The following IFT74 variants were observed in gnomAD, a reference collection of about 807,000 sequenced individuals.
IFT74 encodes intraflagellar transport 74, also known as intraflagellar transport protein 74 homolog.
IFT74 carries 92 observed loss-of-function variants against 96.7 expected under a neutral mutation model. The observed-to-expected ratio is 0.95, with a 90% confidence interval of 0.80 to 1.13. IFT74 has a LOEUF of 1.13. Ranked by LOEUF, IFT74 falls within the 50% of genes most tolerant of loss-of-function variation. The pLI is 0.00. For missense variants in IFT74, 811 were observed against 698.2 expected, an observed-to-expected ratio of 1.16 and a Z score of -1.82; for synonymous variants, 223 against 213.2, an observed-to-expected ratio of 1.05 and a Z score of -0.40.
Position 26,984,566 on chromosome 9 carries a change from T to C in IFT74, c.465+7T>C. 1 of 1,598,314 alleles carries C rather than the reference T, an allele frequency of 6.3e-7. No individual in the cohort carries two copies. Among genetic ancestry groups the C allele is most frequent in the Non-Finnish European group, 8.6e-7 (1 of 1,168,126 alleles). ...ACTAGCAGACTACAACATGGTATTTTATCTTTTCTAAGAGAATTTACTGTT... is the reference window on the plus strand; with the variant it reads ...ACTAGCAGACTACAACATGGTATTTCATCTTTTCTAAGAGAATTTACTGTT... On this transcript the variant is annotated splice_region_variant and intron_variant, in intron 6 of 19. Transcript: ENST00000380062.
intron 9 of IFT74, among the ~76,000 whole-genome samples, chr9:27,010,933 G>T (rs984688469): frequency 1.3e-5 from 2 of 152,094 alleles, no homozygotes; most frequent in Non-Finnish European, 2.9e-5. Context: ...AAAGAATTAG[G>T]CCCCATAAAT....
chr9:26,963,722 T>C (rs1216786785), intron 2 of IFT74, among the ~76,000 whole-genome samples: 1 of 152,214 alleles, frequency 6.6e-6, no homozygotes, highest in African/African-American at 2.4e-5. Flanking sequence ...ATGATGAGCA[T>C]TGTTTCATGT....
In IFT74 at chr9:26,956,910, G is replaced by A. The variant is rs188882631; in HGVS notation, c.-20+394G>A. 1.9e-3 allele frequency among the ~76,000 whole-genome samples: 283 copies of A among 152,372 alleles called. 1 individual carries two copies. The highest frequency in any genetic ancestry group is 6.7e-3 in the African/African-American group (277 of 41,584). On this transcript the variant is annotated intron_variant, in intron 1 of 19. Transcript: ENST00000380062. ...CCTGTGTGAGAATGGTTGGCTTAGG[G>A]AGGATAACGATAGTAATAATAATTA...
At chr9:26,989,932 C>T (rs1827793888) in intron 7 of IFT74, among the ~76,000 whole-genome samples, 1 of 152,074 alleles carries the variant, frequency 6.6e-6, no homozygotes, top group South Asian at 2.1e-4. Flanking sequence ...TATAAGATTA[C>T]AATGCTTCTT....
intron 1 of IFT74, among the ~76,000 whole-genome samples, chr9:26,957,000 C>A (rs965411268): frequency 2.0e-5 from 3 of 152,188 alleles, no homozygotes; most frequent in Non-Finnish European, 4.4e-5. Context: ...AGATGTCACC[C>A]TTCTGTTTTA....
At position 26,964,739 on chromosome 9, in the gene IFT74, C is replaced by T. The variant is rs113587564; in HGVS notation, c.120+2652C>T. Among the ~76,000 whole-genome samples, 1,216 of 152,208 alleles carry T rather than the reference C, an allele frequency of 8.0e-3. 16 individuals carry two copies. Among genetic ancestry groups the T allele is most frequent in the African/African-American group, 0.028 (1,160 of 41,524 alleles). On this transcript the variant is annotated intron_variant, in intron 2 of 19. Coordinates refer to ENST00000380062, the MANE Select transcript of IFT74 (RefSeq NM_025103.4). Reference sequence around the variant, plus strand: ...GTAATATTATAAAACTATTCTAAAACTCATCTAGAACAATACCACAAAAAT... The same window carrying T: ...GTAATATTATAAAACTATTCTAAAATTCATCTAGAACAATACCACAAAAAT...
intron 2 of IFT74, among the ~76,000 whole-genome samples, chr9:26,971,266 C>G (rs992014569): frequency 2.0e-5 from 3 of 152,106 alleles, no homozygotes; most frequent in Non-Finnish European, 4.4e-5. Flanking sequence ...GATCTCTTCC[C>G]CTGAGGAGTG....
intron 8 of IFT74, chr9:26,995,906 A>T (rs1304643141): frequency 1.6e-5 from 20 of 1,213,232 alleles, no homozygotes; most frequent in Non-Finnish European, 2.0e-5. Context: ...TTGGCAAAAT[A>T]ATCATAATTA....
Position 26,992,047 on chromosome 9 carries a change from A to C in IFT74, c.587+1852A>C, listed in dbSNP as rs561261425. On this transcript the variant is annotated intron_variant, in intron 8 of 19. Coordinates refer to ENST00000380062, the MANE Select transcript of IFT74 (RefSeq NM_025103.4). ...CGAGACTCCGTCTCAAAAAAAAAAA[A>C]TAGAGAAATATATAAGCTATAATCC... 4.6e-5 allele frequency among the ~76,000 whole-genome samples: 7 copies of C among 152,202 alleles called. No homozygotes were observed. In the South Asian group the frequency reaches 1.5e-3, roughly 32 times the overall value.
chr9:27,021,997 T>G (rs1829627618), intron 12 of IFT74, among the ~76,000 whole-genome samples: 1 of 152,220 alleles, frequency 6.6e-6, no homozygotes, highest in African/African-American at 2.4e-5. Context: ...CACCTTGAAT[T>G]GATTTTTGTA....
intron 17 of IFT74, 128 bp from the exon 18 acceptor site, chr9:27,056,206 G>A: frequency 2.9e-6 from 2 of 689,262 alleles, no homozygotes; most frequent in East Asian, 3.0e-5. Flanking sequence ...TTACAAACGG[G>A]TTTTAGAGTA....
rs751893169 is a variant in IFT74, at chr9:27,040,544, C to CAAAAAAAA, written c.1055-4182_1055-4175dup. Among the ~76,000 whole-genome samples the CAAAAAAAA allele has an allele frequency of 9.5e-4, 59 of 62,008 alleles. 1 individual carries two copies. Among genetic ancestry groups the CAAAAAAAA allele is most frequent in the Middle Eastern group, 0.011 (1 of 92 alleles). The allele number at this position is 62,008 out of a possible 152,430, so 40.7% of individuals were successfully genotyped here. The stretch of plus-strand genomic sequence containing the variant: ...TGGGCAACAGAACGAGACACTGTCT[C>CAAAAAAAA]AAAAAAAAAAAAAAAAAAAAAAAGA... On this transcript the variant is annotated intron_variant, in intron 13 of 19. Transcript: ENST00000380062.
intron 8 of IFT74, among the ~76,000 whole-genome samples, chr9:27,007,069 C>T (rs1828831380): frequency 6.6e-6 from 1 of 151,934 alleles, no homozygotes; most frequent in African/African-American, 2.4e-5. Flanking sequence ...GATCTCCTGA[C>T]CTCGTGATCT....
chr9:26,947,240 C>G, intron 1 of IFT74: 1 of 586,464 alleles, frequency 1.7e-6, no homozygotes, highest in Non-Finnish European at 2.9e-6. Flanking sequence ...ACACAGCAAG[C>G]CTGACAGGCA....
Position 27,011,902 on chromosome 9 carries a change from T to C in IFT74, c.727-4T>C, listed in dbSNP as rs2131607206. 1 of 1,538,024 alleles carries C rather than the reference T, an allele frequency of 6.5e-7. No homozygotes were observed. The highest frequency in any genetic ancestry group is 8.7e-7 in the Non-Finnish European group (1 of 1,143,432). ...TTTATGTTTGCTTTTTTTTTTCCAC[T>C]TAGGAATTAGATACACTTCAACAAC... On this transcript the variant is annotated splice_polypyrimidine_tract_variant and splice_region_variant and intron_variant, in intron 9 of 19. Transcript: ENST00000380062.
rs1371906328 is a variant in IFT74 at position 27,009,139 on chromosome 9, C to T, written c.707C>T (p.Thr236Ile). 3.7e-6 allele frequency: 6 copies of T among 1,612,404 alleles called. No homozygotes were observed. Among genetic ancestry groups the T allele is most frequent in the Non-Finnish European group, 5.1e-6 (6 of 1,179,140 alleles). Residue 236 changes from threonine to isoleucine, a missense_variant, in exon 9 of 20, where the codon ACA becomes ATA. Thr to Ile is a moderately conservative substitution (Grantham distance 89). Coordinates refer to ENST00000380062, the MANE Select transcript of IFT74 (RefSeq NM_025103.4). ...NQVKYLEMKT[T>I]NEKLLQELDT... ...GTCAAGTACCTAGAGATGAAAACCA[C>T]AAATGAGAAACTGTTACAGGTAATA... is the stretch of plus-strand genomic sequence containing the variant.
intron 13 of IFT74, among the ~76,000 whole-genome samples, chr9:27,031,781 T>TAAAATAAAATA: frequency 8.1e-6 from 1 of 122,748 alleles, no homozygotes; most frequent in East Asian, 3.5e-4. Flanking sequence ...TAAAATAAAA[T>TAAAATAAAATA]AAATAAAATA....
At chr9:27,028,749 C>T (rs1223600989) in intron 12 of IFT74, 4 of 204,834 alleles carry the variant, frequency 2.0e-5, no homozygotes, top group African/African-American at 7.1e-5. Flanking sequence ...AGCGAGACCC[C>T]GTCTCAAAGA....
intron 8 of IFT74, among the ~76,000 whole-genome samples, chr9:27,000,467 T>G (rs1215294134): frequency 6.6e-6 from 1 of 152,204 alleles, no homozygotes; most frequent in Non-Finnish European, 1.5e-5. Flanking sequence ...ATGAGAATCT[T>G]TAGCACTCTT....
Sources: gnomAD v4.1 joint callset for allele counts (sites outside exome capture counted in the v4.1 genomes callset) on GRCh38, gnomAD v4.1.1 for gene constraint, MANE v1.5 for transcripts, NCBI Gene and HGNC (gene_info 2026-07-23, HGNC 2026-07-21) for gene names.